NAALADL2: variants seen among roughly 807,000 people sequenced by gnomAD.
NAALADL2 encodes the protein inactive N-acetylated-alpha-linked acidic dipeptidase-like protein 2.
In NAALADL2, 76 loss-of-function variants were observed where a neutral mutation model predicts 87.2. The ratio of observed to expected loss-of-function variants is 0.87; its 90% CI spans 0.72 to 1.05. The LOEUF (loss-of-function observed/expected upper bound fraction) is 1.05, where lower values mean the gene tolerates loss of function less well. Ranked by LOEUF, NAALADL2 falls within the 50% of genes least tolerant of loss-of-function variation. NAALADL2 has a pLI of 0.00. For missense variants in NAALADL2, 1,089 were observed against 945.8 expected (o/e 1.15, Z -1.99); for synonymous variants, 354 against 331.0 (o/e 1.07, Z -0.75).
At chr3:175,536,946 C>A (rs979206174) in intron 9 of NAALADL2, among the ~76,000 whole-genome samples, 2 of 152,106 alleles carry the variant, frequency 1.3e-5, no homozygotes, top group Admixed American at 1.3e-4. Context: ...CGCGCCACTG[C>A]GCTCCAGCCT....
At chr3:174,579,340 T>G (rs1715902248) in intron 2 of NAALADL2, among the ~76,000 whole-genome samples, 1 of 151,914 alleles carries the variant, frequency 6.6e-6, no homozygotes, top group East Asian at 1.9e-4. Context: ...GGATAAACAA[T>G]TTGTGCCATA....
intron 13 of NAALADL2, among the ~76,000 whole-genome samples, chr3:175,780,816 T>C (rs1315349058): frequency 6.6e-6 from 1 of 152,238 alleles, no homozygotes; most frequent in Non-Finnish European, 1.5e-5. Context: ...ATAGGCATCA[T>C]TAAAAATGTT....
chr3:175,583,660 T>C (rs1332319052), intron 10 of NAALADL2, among the ~76,000 whole-genome samples: 1 of 152,186 alleles, frequency 6.6e-6, no homozygotes, highest in African/African-American at 2.4e-5. Flanking sequence ...AAAGAAATAA[T>C]AGAATTTTAT....
chr3:175,125,435 G>T (rs1259785692), intron 2 of NAALADL2, among the ~76,000 whole-genome samples: 2 of 152,004 alleles, frequency 1.3e-5, no homozygotes. Flanking sequence ...GAGCCCTATT[G>T]CACTAATCCA....
At chr3:174,639,231 T>C (rs572008996) in intron 2 of NAALADL2, among the ~76,000 whole-genome samples, 7 of 152,366 alleles carry the variant, frequency 4.6e-5, no homozygotes, top group African/African-American at 1.4e-4. Context: ...TATCATGGTA[T>C]ACATTAATTC....
At chr3:174,990,014 G>A (rs184327826) in intron 1 of NAALADL2, among the ~76,000 whole-genome samples, 36 of 152,090 alleles carry the variant, frequency 2.4e-4, no homozygotes, top group Admixed American at 9.8e-4. Context: ...CATGAAAACC[G>A]TAAAAAGAGA....
intron 9 of NAALADL2, among the ~76,000 whole-genome samples, chr3:175,531,897 T>C (rs555546170): frequency 6.6e-6 from 1 of 152,358 alleles, no homozygotes; most frequent in East Asian, 1.9e-4. Flanking sequence ...TCACCACCCC[T>C]GCATCTTTCA....
chr3:175,414,732 G>C (rs1714259517), intron 5 of NAALADL2, among the ~76,000 whole-genome samples: 1 of 152,120 alleles, frequency 6.6e-6, no homozygotes, highest in Non-Finnish European at 1.5e-5. Flanking sequence ...TATCAAAAGA[G>C]CAAACATGAA....
chr3:174,816,960 T>C (rs1383574281), intron 3 of NAALADL2, among the ~76,000 whole-genome samples: 2 of 152,170 alleles, frequency 1.3e-5, no homozygotes. Context: ...AAAACCATCA[T>C]TAATAATACA....
At chr3:174,639,900 T>G (rs1158569016) in intron 2 of NAALADL2, among the ~76,000 whole-genome samples, 1 of 152,124 alleles carries the variant, frequency 6.6e-6, no homozygotes, top group South Asian at 2.1e-4. Context: ...CTTAATCGAG[T>G]TTTTTTAAGC....
intron 11 of NAALADL2, among the ~76,000 whole-genome samples, chr3:175,688,105 C>T (rs749677936): frequency 1.3e-5 from 2 of 152,094 alleles, no homozygotes; most frequent in Non-Finnish European, 2.9e-5. Flanking sequence ...TTACTGAATG[C>T]TAAAGTTAAG....
chr3:175,068,104 G>A (rs937894995), intron 1 of NAALADL2, among the ~76,000 whole-genome samples: 1 of 152,024 alleles, frequency 6.6e-6, no homozygotes, highest in African/African-American at 2.4e-5. Context: ...GGGAAAGGAA[G>A]GTGGGGCAAA....
intron 6 of NAALADL2, among the ~76,000 whole-genome samples, 157 bp downstream of exon 6, chr3:175,447,529 T>G (rs561542772): frequency 6.6e-6 from 1 of 152,314 alleles, no homozygotes; most frequent in South Asian, 2.1e-4. Flanking sequence ...TTTAGCAGCA[T>G]GTTTGGAAAG....
intron 1 of NAALADL2, among the ~76,000 whole-genome samples, chr3:174,877,153 T>C (rs1237521527): frequency 1.3e-5 from 2 of 151,714 alleles, no homozygotes; most frequent in African/African-American, 2.4e-5. Context: ...TTGCAAAATA[T>C]GCATTTTGGG....
rs548507217 is a variant in NAALADL2, at chr3:175,064,250, A to G, written c.44-32540A>G. On this transcript the variant is annotated intron_variant, in intron 1 of 13. Coordinates refer to ENST00000454872, the MANE Select transcript of NAALADL2 (RefSeq NM_207015.3). ...AGTTTACTCTTGGGGAAAAGAAGAA[A>G]AAAAAAAAAAGAAAAACGACAACAA... is the stretch of plus-strand genomic sequence containing the variant. 2.4e-4 allele frequency among the ~76,000 whole-genome samples: 29 copies of G among 120,056 alleles called. No homozygotes were observed. The South Asian group carries it at 6.0e-3, about 25-fold the overall frequency. The allele number at this position is 120,056 out of a possible 152,430, so 78.8% of individuals were successfully genotyped here.
intron 1 of NAALADL2, among the ~76,000 whole-genome samples, chr3:175,063,350 T>C (rs1299672436): frequency 6.6e-6 from 1 of 152,116 alleles, no homozygotes; most frequent in African/African-American, 2.4e-5. Context: ...TAAGCATTAT[T>C]TTAAACTGCT....
At chr3:175,116,743 C>T (rs1169176303) in intron 2 of NAALADL2, among the ~76,000 whole-genome samples, 1 of 151,368 alleles carries the variant, frequency 6.6e-6, no homozygotes, top group Non-Finnish European at 1.5e-5. Context: ...ACCACAACAA[C>T]AACAAAAAAA....
At chr3:174,687,706 T>C (rs868454539) in intron 2 of NAALADL2, among the ~76,000 whole-genome samples, 9 of 152,260 alleles carry the variant, frequency 5.9e-5, no homozygotes, top group African/African-American at 2.2e-4. Flanking sequence ...TAATTTGATA[T>C]GGTTTGGCTG....
chr3:175,591,105 A>G (rs1417471865), intron 10 of NAALADL2, among the ~76,000 whole-genome samples: 3 of 152,150 alleles, frequency 2.0e-5, no homozygotes, highest in Non-Finnish European at 2.9e-5. Context: ...GTGTCATAGG[A>G]AAAAATGACA....
Sources: allele counts gnomAD v4.1 joint callset (sites outside exome capture counted in the v4.1 genomes callset), GRCh38; gene constraint gnomAD v4.1.1; transcripts MANE v1.5; gene names NCBI Gene and HGNC (gene_info 2026-07-23, HGNC 2026-07-21).